The following PATJ variants were observed in gnomAD, a reference collection of about 807,000 sequenced individuals.
PATJ encodes inaD-like protein.
PATJ carries 190 observed loss-of-function variants against 224.9 expected under a neutral mutation model. The observed-to-expected ratio is 0.84, with a 90% CI of 0.75 to 0.95. The LOEUF (loss-of-function observed/expected upper bound fraction) is 0.95. Ranked by LOEUF, PATJ falls within the 40% of genes least tolerant of loss-of-function variation. The pLI is 0.00. For missense variants in PATJ, 2,121 were observed against 2,270.3 expected, an observed-to-expected ratio of 0.93 and a Z score of 1.34; for synonymous variants, 769 against 820.3, an observed-to-expected ratio of 0.94 and a Z score of 1.07.
chr1:61,995,260 C>T (rs188954821), intron 28 of PATJ, among the ~76,000 whole-genome samples: 16 of 152,142 alleles, frequency 1.1e-4, no homozygotes, highest in Non-Finnish European at 1.9e-4. Context: ...TTATTTTTAT[C>T]GTCTCTCCCT....
At chr1:61,755,170 G>T (rs111293612) in intron 1 of PATJ, among the ~76,000 whole-genome samples, 4 of 151,612 alleles carry the variant, frequency 2.6e-5, no homozygotes, top group Admixed American at 6.6e-5. Context: ...TTAGCCGGGC[G>T]TAGTGGCGGG....
At chr1:61,775,359 T>C in intron 7 of PATJ, 25 bp downstream of exon 7, 1 of 1,593,576 alleles carries the variant, frequency 6.3e-7, no homozygotes, top group South Asian at 1.2e-5. Context: ...CTTGTTATCA[T>C]TTTGGTTTTA....
At chr1:61,900,619 T>C (rs1322636457) in intron 23 of PATJ, among the ~76,000 whole-genome samples, 2 of 152,084 alleles carry the variant, frequency 1.3e-5, no homozygotes, top group African/African-American at 4.8e-5. Context: ...AGACGGAGTC[T>C]GGCTCTGTCG....
At chr1:61,924,900 G>C (rs553972501) in intron 26 of PATJ, among the ~76,000 whole-genome samples, 16 of 152,136 alleles carry the variant, frequency 1.1e-4, no homozygotes, top group African/African-American at 3.6e-4. Flanking sequence ...TAGGACCCAA[G>C]ACATGTTCTT....
intron 27 of PATJ, among the ~76,000 whole-genome samples, chr1:61,988,487 G>C (rs1281417280): frequency 6.6e-6 from 1 of 152,074 alleles, no homozygotes; most frequent in African/African-American, 2.4e-5. Context: ...AAAATGCCTT[G>C]TATTTATTCA....
chr1:62,151,031 C>T lies in PATJ; in HGVS notation c.5379-2327C>T, dbSNP rs752795804. On this transcript the variant is annotated intron_variant, in intron 42 of 43. Coordinates refer to ENST00000642238, the MANE Select transcript of PATJ (RefSeq NM_001350145.3). ...GCACATGCCTGTAATCCCAGCTACT[C>T]GGGAGGCTGAGGCAGGAGAATCACT... Among the ~76,000 whole-genome samples, 12 of 151,278 alleles carry T rather than the reference C, an allele frequency of 7.9e-5. No homozygotes were observed. The South Asian group carries it at 8.4e-4, about 11-fold the overall frequency.
At chr1:61,826,530 T>C (rs79562384) in intron 15 of PATJ, among the ~76,000 whole-genome samples, 1 of 152,302 alleles carries the variant, frequency 6.6e-6, no homozygotes, top group East Asian at 1.9e-4. Flanking sequence ...GATCAGCTCT[T>C]AGAGACCTAT....
intron 27 of PATJ, among the ~76,000 whole-genome samples, chr1:61,928,142 A>G (rs1260377540): frequency 6.6e-6 from 1 of 152,192 alleles, no homozygotes. Context: ...ACCCATAATT[A>G]TCTGGGTTGG....
intron 17 of PATJ, among the ~76,000 whole-genome samples, chr1:61,850,257 T>C (rs1210159325): frequency 6.6e-6 from 1 of 152,200 alleles, no homozygotes; most frequent in African/African-American, 2.4e-5. Context: ...GTCTCTTTGA[T>C]CTTTGGGAAT....
intron 39 of PATJ, among the ~76,000 whole-genome samples, chr1:62,123,482 T>G (rs1354293257): frequency 6.8e-5 from 9 of 132,588 alleles, no homozygotes; most frequent in Non-Finnish European, 8.0e-5. Flanking sequence ...TTTTTTTTTT[T>G]TTTTTTTTTT....
intron 16 of PATJ, among the ~76,000 whole-genome samples, chr1:61,831,816 G>T (rs564578549): frequency 7.9e-5 from 12 of 152,294 alleles, no homozygotes; most frequent in African/African-American, 2.9e-4. Flanking sequence ...CAACCCAGCA[G>T]TCCCATTACT....
chr1:61,897,103 G>C (rs925842179), intron 22 of PATJ, among the ~76,000 whole-genome samples: 1 of 152,062 alleles, frequency 6.6e-6, no homozygotes, highest in African/African-American at 2.4e-5. Flanking sequence ...GTAGATTTTT[G>C]TTATAAGTTC....
Position 61,979,656 on chromosome 1 carries a change from G to GAAA in PATJ, c.3671-10500_3671-10498dup, listed in dbSNP as rs3060965. Among the ~76,000 whole-genome samples the GAAA allele has an allele frequency of 2.3e-3, 316 of 137,110 alleles. 4 individuals carry two copies. Among genetic ancestry groups the GAAA allele is most frequent in the Middle Eastern group, 3.6e-3 (1 of 278 alleles). The allele number at this position is 137,110 out of a possible 152,430, so 89.9% of individuals were successfully genotyped here. ...GACAGAGGGAGACTCCGTCTCAAAA[G>GAAA]AAAAAAAAAAAAAAGATTAGCAAAA... On this transcript the variant is annotated intron_variant, in intron 27 of 43. Coordinates refer to ENST00000642238, the MANE Select transcript of PATJ (RefSeq NM_001350145.3).
chr1:61,845,786 A>C (rs1661847734), intron 17 of PATJ, among the ~76,000 whole-genome samples: 1 of 152,226 alleles, frequency 6.6e-6, no homozygotes, highest in African/African-American at 2.4e-5. Context: ...GTTGTCAGAC[A>C]ATCTCCCAGT....
intron 29 of PATJ, among the ~76,000 whole-genome samples, chr1:62,028,167 A>G (rs1648391662): frequency 6.6e-6 from 1 of 152,156 alleles, no homozygotes; most frequent in Non-Finnish European, 1.5e-5. Context: ...CATATATGGT[A>G]TAAAGGAAGG....
chr1:62,114,978 G>C (rs1034704217), intron 35 of PATJ: 3 of 152,030 alleles, frequency 2.0e-5, no homozygotes, highest in African/African-American at 7.2e-5. Flanking sequence ...CAAAAATGTA[G>C]GTAGGTAGAT....
chr1:62,108,668 G>A (rs1663420689), intron 34 of PATJ, 148 bp downstream of exon 34: 1 of 492,874 alleles, frequency 2.0e-6, no homozygotes. Context: ...TTTCTTCAGT[G>A]TACATTATAC....
intron 1 of PATJ, among the ~76,000 whole-genome samples, chr1:61,750,077 A>C (rs1645236018): frequency 6.6e-6 from 1 of 152,256 alleles, no homozygotes; most frequent in Non-Finnish European, 1.5e-5. Context: ...ATTGTAAACC[A>C]GGACAATGTG....
At chr1:62,121,575 G>T (rs1247663896) in intron 38 of PATJ, among the ~76,000 whole-genome samples, 1 of 151,730 alleles carries the variant, frequency 6.6e-6, no homozygotes, top group Non-Finnish European at 1.5e-5. Context: ...AGACCATCCT[G>T]GCTAACCCCG....
Sources: allele counts gnomAD v4.1 joint callset (sites outside exome capture counted in the v4.1 genomes callset), GRCh38; gene constraint gnomAD v4.1.1; transcripts MANE v1.5; gene names NCBI Gene and HGNC (gene_info 2026-07-23, HGNC 2026-07-21).